Variants in AGPS observed in about 807,000 individuals in gnomAD.
AGPS encodes the protein alkylglycerone phosphate synthase, also known as alkyldihydroxyacetonephosphate synthase, peroxisomal.
A neutral mutation model predicts 90.7 loss-of-function variants in AGPS; 26 were observed. That is an observed-to-expected ratio of 0.29 (90% confidence interval 0.21 to 0.40). The LOEUF is 0.40. AGPS is among the 10% of genes least tolerant of loss of function. AGPS has a pLI of 1.00. For missense variants in AGPS, 540 were observed against 816.1 expected, an observed-to-expected ratio of 0.66 and a Z score of 4.12; for synonymous variants, 294 against 285.3, an observed-to-expected ratio of 1.03 and a Z score of -0.31.
intron 9 of AGPS, among the ~76,000 whole-genome samples, chr2:177,467,542 A>G (rs1054296756): frequency 6.6e-6 from 1 of 152,180 alleles, no homozygotes; most frequent in Admixed American, 6.5e-5. Context: ...GTACCAATTG[A>G]CATTCTCACT....
chr2:177,457,349 T>C (rs1687150493), intron 8 of AGPS, among the ~76,000 whole-genome samples: 1 of 152,024 alleles, frequency 6.6e-6, no homozygotes, highest in African/African-American at 2.4e-5. Context: ...AGAGCAGAAC[T>C]GAAGGAGATA....
intron 10 of AGPS, among the ~76,000 whole-genome samples, chr2:177,475,102 T>C (rs763329765): frequency 6.6e-6 from 1 of 152,220 alleles, no homozygotes; most frequent in Non-Finnish European, 1.5e-5. Context: ...GAAGAGATGA[T>C]TCATGCCTTA....
intron 10 of AGPS, among the ~76,000 whole-genome samples, chr2:177,470,628 C>A (rs112136982): frequency 6.1e-5 from 9 of 147,006 alleles, no homozygotes; most frequent in Admixed American, 4.2e-4. Flanking sequence ...CGCTTGAACC[C>A]GGGAGGCAGA....
At position 177,542,398 on chromosome 2, in the gene AGPS, C is replaced by G. The variant is rs1490944926; in HGVS notation, c.*4203C>G. 1 of 152,170 alleles carries G rather than the reference C, an allele frequency of 6.6e-6. No individual in the cohort carries two copies. The allele number at this position is 152,170 out of a possible 1,614,324, so 9.4% of individuals were successfully genotyped here. On this transcript the variant is annotated 3_prime_UTR_variant, in exon 20 of 20. Transcript: ENST00000264167. ...GTGAGCACTCTTGTGCTCTTCTAAT[C>G]ATAATTAATTCCTTAACAAATCAGA...
intron 1 of AGPS, among the ~76,000 whole-genome samples, chr2:177,409,481 A>G (rs1685558732): frequency 6.6e-6 from 1 of 151,914 alleles, no homozygotes; most frequent in Non-Finnish European, 1.5e-5. Flanking sequence ...GCTGAGTTAC[A>G]AGCCCCGTGT....
Position 177,420,279 on chromosome 2 carries a change from A to G in AGPS, c.271A>G (p.Met91Val). The G allele has an allele frequency of 6.2e-7, 1 of 1,606,526 alleles. No individual in the cohort carries two copies. The highest frequency in any genetic ancestry group is 8.5e-7 in the Non-Finnish European group (1 of 1,173,818). The change falls in exon 2 of 20, where the codon ATG becomes GTG. Residue 91 changes from methionine (M) to valine (V), a missense_variant. Coordinates refer to ENST00000264167, the MANE Select transcript of AGPS (RefSeq NM_003659.4). ...TTTTCTTCTCACTAGGCAAGAAGTTATGAAATGGAATGGATGGGGATATAA... is the reference window on the plus strand; with the variant it reads ...TTTTCTTCTCACTAGGCAAGAAGTTGTGAAATGGAATGGATGGGGATATAA... ...GTIPKKRQEV[M>V]KWNGWGYNDS... is the part of the protein sequence containing the mutation.
intron 14 of AGPS, 118 bp downstream of exon 14, chr2:177,499,848 G>A: frequency 1.5e-6 from 1 of 669,782 alleles, no homozygotes; most frequent in East Asian, 2.8e-5. Flanking sequence ...ATGTCTCAAA[G>A]TAGTTATTAA....
intron 16 of AGPS, among the ~76,000 whole-genome samples, chr2:177,512,546 T>A (rs1180962230): frequency 6.6e-6 from 1 of 152,204 alleles, no homozygotes; most frequent in African/African-American, 2.4e-5. Context: ...AATGCTACTG[T>A]TTTTTATCAA....
chr2:177,441,285 G>C, intron 6 of AGPS: 1 of 423,032 alleles, frequency 2.4e-6, no homozygotes, highest in South Asian at 3.3e-5. Flanking sequence ...TTTAATGCCT[G>C]AATAACAAAA....
At chr2:177,530,132 C>T (rs1249870443) in intron 19 of AGPS, among the ~76,000 whole-genome samples, 1 of 152,200 alleles carries the variant, frequency 6.6e-6, no homozygotes, top group Non-Finnish European at 1.5e-5. Context: ...AAGATCCATA[C>T]ATTCAAGGGA....
chr2:177,499,186 G>T (rs907903606), intron 13 of AGPS, among the ~76,000 whole-genome samples: 1 of 151,538 alleles, frequency 6.6e-6, no homozygotes, highest in South Asian at 2.1e-4. Flanking sequence ...GCATAAGATC[G>T]CCTTTGAAAA....
At chr2:177,393,086 G>A in intron 1 of AGPS, 37 bp downstream of exon 1, 1 of 1,550,256 alleles carries the variant, frequency 6.5e-7, no homozygotes, top group Non-Finnish European at 8.7e-7. Context: ...AGCGTCGAGG[G>A]ACCAGGCCGG....
chr2:177,472,660 T>G (rs1489483810), intron 10 of AGPS, among the ~76,000 whole-genome samples: 1 of 152,188 alleles, frequency 6.6e-6, no homozygotes, highest in African/African-American at 2.4e-5. Flanking sequence ...AGGGCTCCTA[T>G]TTTGAGAGTG....
At chr2:177,506,757 A>G (rs1688727256) in intron 15 of AGPS, among the ~76,000 whole-genome samples, 1 of 151,992 alleles carries the variant, frequency 6.6e-6, no homozygotes, top group African/African-American at 2.4e-5. Flanking sequence ...ATGAAAGGTA[A>G]TAGATGATTG....
chr2:177,523,464 T>C (rs1032732563), intron 18 of AGPS, among the ~76,000 whole-genome samples: 1 of 152,230 alleles, frequency 6.6e-6, no homozygotes, highest in African/African-American at 2.4e-5. Flanking sequence ...CAGTTATTAA[T>C]ATTATTAACA....
At chr2:177,516,975 T>C (rs1188184660) in intron 17 of AGPS, among the ~76,000 whole-genome samples, 2 of 152,104 alleles carry the variant, frequency 1.3e-5, no homozygotes, top group African/African-American at 2.4e-5. Flanking sequence ...AGCTGGCAAA[T>C]TGACAGTAGC....
intron 10 of AGPS, among the ~76,000 whole-genome samples, chr2:177,477,726 T>C (rs1027448359): frequency 6.6e-5 from 10 of 152,336 alleles, no homozygotes; most frequent in Admixed American, 2.6e-4. Context: ...CATTTGTTCC[T>C]GTGGGTTTAC....
In AGPS at chr2:177,543,663, C is replaced by T. The variant is rs1196239034; in HGVS notation, c.*5468C>T. Reference sequence around the variant, plus strand: ...TCCAGCATAGCTTTGTCAATTCCGACTGAGCCATACTGTTTTCCACAAGGG... The same window carrying T: ...TCCAGCATAGCTTTGTCAATTCCGATTGAGCCATACTGTTTTCCACAAGGG... On this transcript the variant is annotated 3_prime_UTR_variant, in exon 20 of 20. Transcript: ENST00000264167. 1 of 152,236 alleles carries T rather than the reference C, an allele frequency of 6.6e-6. No individual in the cohort carries two copies. Among genetic ancestry groups the T allele is most frequent in the Non-Finnish European group, 1.5e-5 (1 of 68,034 alleles). The allele number at this position is 152,236 out of a possible 1,614,324, so 9.4% of individuals were successfully genotyped here.
rs138757122 is a variant in AGPS, at chr2:177,448,533, A to T, written c.870+2907A>T. On this transcript the variant is annotated intron_variant, in intron 8 of 19. Coordinates refer to ENST00000264167, the MANE Select transcript of AGPS (RefSeq NM_003659.4). Reference sequence around the variant, plus strand: ...TTTAAAAACTGAATTTTTAGAGGAAAAATTTGCAATCTTGTCTCCAAAATG... The same window carrying T: ...TTTAAAAACTGAATTTTTAGAGGAATAATTTGCAATCTTGTCTCCAAAATG... Among the ~76,000 whole-genome samples, 509 of 152,276 alleles carry T rather than the reference A, an allele frequency of 3.3e-3. 5 individuals carry two copies. The highest frequency in any genetic ancestry group is 0.011 in the African/African-American group (475 of 41,560).
Sources: allele counts gnomAD v4.1 joint callset (sites outside exome capture counted in the v4.1 genomes callset), GRCh38; gene constraint gnomAD v4.1.1; transcripts MANE v1.5; gene names NCBI Gene and HGNC (gene_info 2026-07-23, HGNC 2026-07-21).